The following AKAP19 variants were observed in gnomAD, a reference collection of about 807,000 sequenced individuals.
The protein encoded by AKAP19 is small A-kinase anchoring protein.
At chr2:190,166,315 C>T in the AKAP19 span, among the ~76,000 whole-genome samples, 2 of 88,960 alleles carry the variant, frequency 2.2e-5, no homozygotes, top group Admixed American at 1.3e-4. Flanking sequence ...AAAAAATCCA[C>T]TCTTTTTTTT....
the AKAP19 span, among the ~76,000 whole-genome samples, chr2:190,034,512 A>G: frequency 6.8e-6 from 1 of 147,658 alleles, no homozygotes; most frequent in African/African-American, 2.5e-5. Context: ...TGTAAGCGGC[A>G]CAAGCCTAGC....
the AKAP19 span, among the ~76,000 whole-genome samples, chr2:190,006,514 A>T: frequency 6.6e-6 from 1 of 151,668 alleles, no homozygotes; most frequent in South Asian, 2.1e-4. Flanking sequence ...GCTGGGCGTG[A>T]TGGCGGGTGC....
the AKAP19 span, among the ~76,000 whole-genome samples, chr2:190,131,208 G>A: frequency 2.6e-5 from 4 of 151,966 alleles, no homozygotes; most frequent in African/African-American, 9.7e-5. Context: ...GTTCTAATGG[G>A]GCAACTCTTA....
the AKAP19 span, among the ~76,000 whole-genome samples, chr2:190,047,620 G>T: frequency 6.6e-6 from 1 of 152,188 alleles, no homozygotes; most frequent in Admixed American, 6.5e-5. Flanking sequence ...AGTAGTACAA[G>T]TCTTGAACTC....
At chr2:190,137,647 C>A in the AKAP19 span, 1 of 152,100 alleles carries the variant, frequency 6.6e-6, no homozygotes, top group African/African-American at 2.4e-5. Flanking sequence ...TACACAGGAG[C>A]AGAAAAACTG....
the AKAP19 span, among the ~76,000 whole-genome samples, chr2:190,033,559 T>C: frequency 2.2e-3 from 335 of 152,310 alleles, 2 homozygotes; most frequent in Non-Finnish European, 4.1e-3. Flanking sequence ...CCAATTTATT[T>C]GTAGAATGAA....
At chr2:189,946,120 T>C in the AKAP19 span, among the ~76,000 whole-genome samples, 1 of 152,216 alleles carries the variant, frequency 6.6e-6, no homozygotes, top group Non-Finnish European at 1.5e-5. Context: ...GGATACTTTA[T>C]AAATTTCTTC....
chr2:190,181,103 G>A, the AKAP19 span: 1 of 985,508 alleles, frequency 1.0e-6, no homozygotes, highest in African/African-American at 1.7e-5. Flanking sequence ...GCCGGGCAAC[G>A]TGTTGTGTAA....
chr2:190,080,171 G>T, the AKAP19 span: 1 of 152,102 alleles, frequency 6.6e-6, no homozygotes, highest in African/African-American at 2.4e-5. Context: ...CTGGCTTTTT[G>T]TCTAGAAGGA....
At chr2:190,057,250 T>C in the AKAP19 span, 1 of 1,612,916 alleles carries the variant, frequency 6.2e-7, no homozygotes, top group African/African-American at 1.3e-5. Context: ...GAACGCTTAA[T>C]ATAAATCTCA....
At chr2:190,091,835 A>G in the AKAP19 span, among the ~76,000 whole-genome samples, 1 of 152,186 alleles carries the variant, frequency 6.6e-6, no homozygotes, top group African/African-American at 2.4e-5. Context: ...AGTAATACAT[A>G]TTCATCACAG....
the AKAP19 span, among the ~76,000 whole-genome samples, chr2:189,929,495 G>C: frequency 3.3e-5 from 5 of 151,468 alleles, no homozygotes; most frequent in Non-Finnish European, 1.5e-5. Flanking sequence ...AAAATAATTA[G>C]ATAAAACACA....
At chr2:190,025,379 C>T in the AKAP19 span, among the ~76,000 whole-genome samples, 1 of 152,098 alleles carries the variant, frequency 6.6e-6, no homozygotes, top group Non-Finnish European at 1.5e-5. Context: ...CATGTGTGCA[C>T]AATGAACTGA....
the AKAP19 span, among the ~76,000 whole-genome samples, chr2:189,979,068 TA>T: frequency 5.4e-4 from 77 of 143,726 alleles, no homozygotes; most frequent in East Asian, 8.0e-4. Flanking sequence ...TTCACAGAAG[TA>T]AAAAAAAAAA....
the AKAP19 span, among the ~76,000 whole-genome samples, chr2:189,920,669 T>C: frequency 2.0e-5 from 3 of 152,358 alleles, no homozygotes; most frequent in South Asian, 6.2e-4. Context: ...TCCCACTTTC[T>C]TCTGTGTCTT....
chr2:190,096,902 C>T, the AKAP19 span, among the ~76,000 whole-genome samples: 5 of 152,078 alleles, frequency 3.3e-5, no homozygotes, highest in Admixed American at 6.6e-5. Context: ...AACTCTCCCT[C>T]GGATCCCATC....
the AKAP19 span, among the ~76,000 whole-genome samples, chr2:190,015,291 C>G: frequency 6.6e-6 from 1 of 152,168 alleles, no homozygotes; most frequent in South Asian, 2.1e-4. Context: ...TGGAGGTTCC[C>G]AAACCTCAAT....
At chr2:190,065,025 C>A in the AKAP19 span, among the ~76,000 whole-genome samples, 1 of 152,168 alleles carries the variant, frequency 6.6e-6, no homozygotes, top group Non-Finnish European at 1.5e-5. Flanking sequence ...TCCTATCTGA[C>A]GCACAGGTTC....
At chr2:189,901,272 G>A in the AKAP19 span, among the ~76,000 whole-genome samples, 139,175 of 152,158 alleles carry the variant, frequency 0.91, 64,079 homozygotes, top group East Asian at 0.98. Flanking sequence ...TGCTCTTGGT[G>A]TCCTTCCTAA....
Sources: gnomAD v4.1 joint callset for allele counts (sites outside exome capture counted in the v4.1 genomes callset) on GRCh38, gnomAD v4.1.1 for gene constraint, MANE v1.5 for transcripts, NCBI Gene and HGNC (gene_info 2026-07-23, HGNC 2026-07-21) for gene names.